Variants in ST7 observed in about 807,000 individuals in gnomAD.
ST7 encodes suppressor of tumorigenicity 7 protein.
In ST7, 28 loss-of-function variants were observed where a neutral mutation model predicts 78.7. That is an observed-to-expected ratio of 0.36 (90% confidence interval 0.26 to 0.49). The LOEUF (loss-of-function observed/expected upper bound fraction) is 0.49, where lower values mean the gene tolerates loss of function less well. Ranked by LOEUF, ST7 falls within the 20% of genes least tolerant of loss-of-function variation. The pLI is 0.99. For synonymous variants in ST7, 247 were observed against 249.6 expected (o/e 0.99, Z 0.10); for missense variants, 418 against 696.0 (o/e 0.60, Z 4.49).
intron 1 of ST7, among the ~76,000 whole-genome samples, chr7:116,990,721 C>T (rs1176243398): frequency 6.6e-6 from 1 of 152,154 alleles, no homozygotes; most frequent in African/African-American, 2.4e-5. Context: ...CCCTTCCATA[C>T]CCATCTATAT....
At chr7:117,001,472 G>A (rs1794929780) in intron 1 of ST7, among the ~76,000 whole-genome samples, 1 of 152,158 alleles carries the variant, frequency 6.6e-6, no homozygotes, top group Non-Finnish European at 1.5e-5. Flanking sequence ...TGGAAAAAGG[G>A]GGTTTATGTC....
chr7:117,208,270 T>C (rs1466965073), intron 12 of ST7, among the ~76,000 whole-genome samples: 1 of 152,182 alleles, frequency 6.6e-6, no homozygotes, highest in Non-Finnish European at 1.5e-5. Context: ...CTAGAACTCA[T>C]GTTTGAGGAG....
At chr7:117,131,856 A>G (rs761872351) in intron 5 of ST7, 29 bp from the exon 6 acceptor site, 1 of 1,587,646 alleles carries the variant, frequency 6.3e-7, no homozygotes, top group South Asian at 1.1e-5. Context: ...GTATGGATTG[A>G]CTTGGTGTTT....
At chr7:117,227,535 G>T (rs1223120788) in intron 15 of ST7, among the ~76,000 whole-genome samples, 1 of 152,124 alleles carries the variant, frequency 6.6e-6, no homozygotes, top group Non-Finnish European at 1.5e-5. Context: ...TTATATATGT[G>T]TCTGTGTATG....
intron 1 of ST7, among the ~76,000 whole-genome samples, chr7:117,018,262 G>T (rs1795712009): frequency 6.6e-6 from 1 of 152,084 alleles, no homozygotes; most frequent in South Asian, 2.1e-4. Context: ...CATCTCATAT[G>T]CAATTTAAAA....
intron 1 of ST7, among the ~76,000 whole-genome samples, chr7:117,030,063 C>T (rs1297401186): frequency 6.6e-6 from 1 of 151,974 alleles, no homozygotes; most frequent in Admixed American, 6.6e-5. Flanking sequence ...AAAAAAAGAC[C>T]TGGGATTTTG....
chr7:117,174,975 T>TG (rs1808246888), intron 10 of ST7, among the ~76,000 whole-genome samples: 1 of 152,214 alleles, frequency 6.6e-6, no homozygotes, highest in South Asian at 2.1e-4. Flanking sequence ...TACAAAGGCA[T>TG]GACTTAGGTG....
At chr7:117,016,848 C>T (rs950799399) in intron 1 of ST7, among the ~76,000 whole-genome samples, 2 of 152,150 alleles carry the variant, frequency 1.3e-5, no homozygotes, top group African/African-American at 2.4e-5. Flanking sequence ...GAGAACAACT[C>T]ATGTTTTCAG....
At chr7:117,224,731 G>A (rs1038415819) in intron 15 of ST7, among the ~76,000 whole-genome samples, 5 of 152,162 alleles carry the variant, frequency 3.3e-5, no homozygotes, top group Non-Finnish European at 5.9e-5. Context: ...AGTATTAGCA[G>A]GAGGTATCTG....
At chr7:117,152,198 T>TATATAG (rs1806330243) in intron 9 of ST7, among the ~76,000 whole-genome samples, 1 of 73,750 alleles carries the variant, frequency 1.4e-5, no homozygotes, top group African/African-American at 5.3e-5. Flanking sequence ...TATATATATA[T>TATATAG]ATATATATAT....
chr7:117,019,927 T>C (rs1397248903), intron 1 of ST7, among the ~76,000 whole-genome samples: 1 of 152,242 alleles, frequency 6.6e-6, no homozygotes, highest in Non-Finnish European at 1.5e-5. Context: ...TCTTTCTATA[T>C]GCTGCGCAAA....
intron 9 of ST7, 55 bp from the exon 10 acceptor site, chr7:117,170,806 TA>T: frequency 2.6e-6 from 2 of 762,364 alleles, no homozygotes; most frequent in Non-Finnish European, 3.8e-6. Flanking sequence ...ATATGTACAA[TA>T]AAATTATAAG....
At chr7:116,971,026 C>T (rs553691191) in intron 1 of ST7, among the ~76,000 whole-genome samples, 1 of 152,202 alleles carries the variant, frequency 6.6e-6, no homozygotes, top group South Asian at 2.1e-4. Context: ...ACATTTTAAG[C>T]CAGTAAGCTG....
chr7:117,209,734 A>C, intron 12 of ST7, 53 bp from the exon 13 acceptor site: 1 of 1,575,466 alleles, frequency 6.3e-7, no homozygotes, highest in Non-Finnish European at 8.6e-7. Context: ...TTCAATACTG[A>C]ATTCTAAATT....
intron 9 of ST7, among the ~76,000 whole-genome samples, chr7:117,158,027 C>T (rs1334062210): frequency 6.6e-6 from 1 of 152,168 alleles, no homozygotes; most frequent in Non-Finnish European, 1.5e-5. Flanking sequence ...AACAACCTCA[C>T]TCTGGGGTTT....
chr7:117,111,564 C>T lies in ST7; in HGVS notation c.235-7997C>T, dbSNP rs535477071. On this transcript the variant is annotated intron_variant, in intron 2 of 15. Transcript: ENST00000323984. ...TAGATATCCCTAATACTTCTTAGTT[C>T]ACAAGGTGAAAGCTAGCAATGACTT... is the stretch of plus-strand genomic sequence containing the variant. 5.3e-5 allele frequency among the ~76,000 whole-genome samples: 8 copies of T among 152,316 alleles called. No homozygotes were observed. In the South Asian group the frequency reaches 1.7e-3, roughly 32 times the overall value.
Position 117,229,903 on chromosome 7 carries a change from T to C in ST7, c.*46T>C. The C allele has an allele frequency of 6.7e-7, 1 of 1,501,808 alleles. No homozygotes were observed. The highest frequency in any genetic ancestry group is 9.3e-7 in the Non-Finnish European group (1 of 1,077,502). 93.0% of individuals were successfully genotyped at this position (1,501,808 alleles called of 1,614,324 possible). ...CACCTCACCCGCCGCTGCCACCATC[T>C]CCTCTGTGCCAACTCCTTGTGGACC... On this transcript the variant is annotated 3_prime_UTR_variant, in exon 16 of 16. Transcript: ENST00000323984.
At chr7:116,968,461 A>G (rs745486410) in intron 1 of ST7, 9 of 451,660 alleles carry the variant, frequency 2.0e-5, no homozygotes, top group South Asian at 7.9e-5. Flanking sequence ...TTCTGCCTCA[A>G]CCTTCTGATT....
rs1809677195 is a variant in ST7 at position 117,190,529 on chromosome 7, A to T, written c.1152-305A>T. On this transcript the variant is annotated intron_variant, in intron 11 of 15. Coordinates refer to ENST00000323984, the MANE Select transcript of ST7 (RefSeq NM_001369598.1). This position sits in a 1 kb window ranked among gnomAD's most constrained non-coding sequence, Gnocchi z 5.2. ...TTTTCCTACACTGTCTGCCCTTGTC[A>T]GTCCTACCTCTTCCCCTGACCTGAG... Among the ~76,000 whole-genome samples, 2 of 152,296 alleles carry T rather than the reference A, an allele frequency of 1.3e-5. No individual in the cohort carries two copies. Among genetic ancestry groups the T allele is most frequent in the South Asian group, 4.1e-4 (2 of 4,834 alleles).
Sources: gnomAD v4.1 joint callset for allele counts (sites outside exome capture counted in the v4.1 genomes callset) on GRCh38, gnomAD v4.1.1 for gene constraint, Gnocchi (gnomAD v3.1) non-coding constraint, MANE v1.5 for transcripts, NCBI Gene and HGNC (gene_info 2026-07-23, HGNC 2026-07-21) for gene names.